PKD2L2: variants seen among roughly 807,000 people sequenced by gnomAD.
PKD2L2 encodes polycystin-2-like protein 2.
PKD2L2 carries 67 observed loss-of-function variants against 83.9 expected under a neutral mutation model. The ratio of observed to expected loss-of-function variants is 0.80; its 90% CI spans 0.66 to 0.98. PKD2L2 has a LOEUF of 0.98. Among genes scored for constraint, PKD2L2 ranks in the 50% least tolerant of loss-of-function variants. PKD2L2 has a pLI of 0.00. For missense variants in PKD2L2, 632 were observed against 717.2 expected (o/e 0.88, Z 1.36); for synonymous variants, 223 against 237.8 (o/e 0.94, Z 0.57).
intron 12 of PKD2L2, among the ~76,000 whole-genome samples, chr5:137,928,714 G>A (rs1759590639): frequency 6.6e-6 from 1 of 152,206 alleles, no homozygotes; most frequent in African/African-American, 2.4e-5. Flanking sequence ...TTACAGCTGT[G>A]AGCCACTGGG....
rs1039905023 is a variant in PKD2L2, at chr5:137,908,819, T to C, written c.1201T>C (p.Ser401Pro). The C allele has an allele frequency of 1.0e-5, 16 of 1,597,642 alleles. No individual in the cohort carries two copies. Among genetic ancestry groups the C allele is most frequent in the Middle Eastern group, 1.7e-4 (1 of 6,046 alleles). ...AATGTCTCAGCTGTCATCAACCTTG[T>C]CCCGTTGTGTTAAAGACATAGTAGG... is the stretch of plus-strand genomic sequence containing the variant. ...KTMSQLSSTL[S>P]RCVKDIVGFA... The change falls in exon 8 of 15, where the codon TCC (serine) becomes CCC (proline). Residue 401 changes from serine (S) to proline (P), a missense_variant. This residue lies in a region of PKD2L2 where 399 missense variants were observed against 416.9 expected (regional missense o/e 0.96). Coordinates refer to ENST00000508883, the MANE Select transcript of PKD2L2 (RefSeq NM_001300921.2).
intron 5 of PKD2L2, among the ~76,000 whole-genome samples, chr5:137,905,478 G>A (rs1438803844): frequency 1.3e-5 from 2 of 152,080 alleles, no homozygotes; most frequent in South Asian, 2.1e-4. Context: ...CACCTTATAA[G>A]AGTACCAACA....
chr5:137,905,124 C>A (rs181078628), intron 5 of PKD2L2, among the ~76,000 whole-genome samples: 1 of 152,154 alleles, frequency 6.6e-6, no homozygotes, highest in Non-Finnish European at 1.5e-5. Context: ...CATGAAGAAG[C>A]CCTTGTAATA....
intron 9 of PKD2L2, among the ~76,000 whole-genome samples, chr5:137,922,204 G>A (rs1172757549): frequency 6.6e-6 from 1 of 152,198 alleles, no homozygotes; most frequent in Non-Finnish European, 1.5e-5. Context: ...AAGGAATCTT[G>A]CCTTTCTAGT....
chr5:137,915,724 A>G (rs1251166541), intron 8 of PKD2L2, among the ~76,000 whole-genome samples: 1 of 152,192 alleles, frequency 6.6e-6, no homozygotes, highest in African/African-American at 2.4e-5. Flanking sequence ...ATCTTTGTTC[A>G]TTGTGTCCAA....
intron 5 of PKD2L2, among the ~76,000 whole-genome samples, chr5:137,902,839 A>G (rs1757078108): frequency 1.3e-5 from 2 of 152,156 alleles, no homozygotes; most frequent in Admixed American, 6.6e-5. Context: ...ACTTACCACA[A>G]ATGGTGTCTG....
intron 7 of PKD2L2, 86 bp downstream of exon 7, chr5:137,907,998 T>C: frequency 1.6e-6 from 1 of 633,524 alleles, no homozygotes; most frequent in Non-Finnish European, 2.4e-6. Flanking sequence ...GGAAAAAAGA[T>C]TTTTTCAACT....
intron 4 of PKD2L2, among the ~76,000 whole-genome samples, chr5:137,896,266 CT>C (rs1209990692): frequency 6.6e-6 from 1 of 152,076 alleles, no homozygotes; most frequent in Non-Finnish European, 1.5e-5. Flanking sequence ...AAGGCCTACC[CT>C]TTCCTACTCA....
At chr5:137,915,850 T>C (rs970891314) in intron 8 of PKD2L2, among the ~76,000 whole-genome samples, 1 of 152,208 alleles carries the variant, frequency 6.6e-6, no homozygotes, top group Non-Finnish European at 1.5e-5. Flanking sequence ...TGTATTTACC[T>C]TTACTAAGAA....
chr5:137,917,938 T>C (rs1375088494), intron 8 of PKD2L2, among the ~76,000 whole-genome samples: 1 of 152,090 alleles, frequency 6.6e-6, no homozygotes, highest in Non-Finnish European at 1.5e-5. Flanking sequence ...TGGCTCACAT[T>C]TTGGAGCCAT....
At chr5:137,942,286 A>AAG (rs10700651) in intron 14 of PKD2L2, 98 bp from the exon 15 acceptor site, 80,049 of 495,722 alleles carry the variant, frequency 0.16, 7,242 homozygotes, top group African/African-American at 0.2. Flanking sequence ...TCCAAAGGTA[A>AAG]AGAAGTGGAT....
intron 12 of PKD2L2, among the ~76,000 whole-genome samples, chr5:137,935,105 G>A (rs1339643871): frequency 1.3e-5 from 2 of 152,132 alleles, no homozygotes; most frequent in Non-Finnish European, 2.9e-5. Flanking sequence ...TACTGAGAAG[G>A]TTTTGAATCA....
At chr5:137,908,733 C>T (rs747154485) in intron 7 of PKD2L2, 32 bp from the exon 8 acceptor site, 2 of 1,050,962 alleles carry the variant, frequency 1.9e-6, no homozygotes, top group African/African-American at 3.2e-5. Context: ...CTTTGATATT[C>T]TCCTATTTCA....
chr5:137,939,965 T>C, intron 14 of PKD2L2: 2 of 1,506,898 alleles, frequency 1.3e-6, no homozygotes. Context: ...GTATCTGTAG[T>C]ACAAAACAAT....
At chr5:137,921,375 A>AC (rs957287785) in intron 8 of PKD2L2, among the ~76,000 whole-genome samples, 10 of 151,150 alleles carry the variant, frequency 6.6e-5, no homozygotes, top group African/African-American at 2.4e-4. Flanking sequence ...AAAAAAAAAA[A>AC]AGTTATAGAT....
At chr5:137,909,072 T>G in intron 8 of PKD2L2, 126 bp downstream of exon 8, 2 of 593,902 alleles carry the variant, frequency 3.4e-6, no homozygotes, top group South Asian at 4.8e-5. Context: ...TTTGATATTT[T>G]CTTTTTCTTT....
intron 8 of PKD2L2, among the ~76,000 whole-genome samples, chr5:137,919,843 T>C (rs771934682): frequency 6.6e-6 from 1 of 152,224 alleles, no homozygotes; most frequent in South Asian, 2.1e-4. Flanking sequence ...TTTTATGTGA[T>C]TGGCAAAAGC....
Position 137,894,410 on chromosome 5 carries a change from C to A in PKD2L2, c.325C>A (p.Gln109Lys). The A allele has an allele frequency of 6.2e-7, 1 of 1,611,796 alleles. No homozygotes were observed. Among genetic ancestry groups the A allele is most frequent in the Non-Finnish European group, 8.5e-7 (1 of 1,178,866 alleles). The change falls in exon 4 of 15, where the codon CAG (glutamine) becomes AAG (lysine). Residue 109 changes from glutamine (Q) to lysine (K), a missense_variant. Gln to Lys is a moderately conservative substitution (Grantham distance 53). Around this residue, in one of 3 missense-constraint regions of PKD2L2, gnomAD observed 229 missense variants for 281.5 expected, o/e 0.81. Coordinates refer to ENST00000508883, the MANE Select transcript of PKD2L2 (RefSeq NM_001300921.2). ...LYWDSWYNNQ[Q>K]LYNLKNSSRI... Reference sequence around the variant, plus strand: ...CTGGGATTCATGGTACAATAACCAGCAGCTGTATAATTTAAAGAACAGCAG... The same window carrying A: ...CTGGGATTCATGGTACAATAACCAGAAGCTGTATAATTTAAAGAACAGCAG...
Position 137,908,791 on chromosome 5 carries a change from GACA to G in PKD2L2, c.1175_1177del (p.Thr392del). ...TATTCAAATTCATAAGCTTTAACAA[GACA>G]ATGTCTCAGCTGTCATCAACCTTGT... On this transcript the variant is annotated inframe_deletion, in exon 8 of 15. Transcript: ENST00000508883. The G allele has an allele frequency of 6.4e-7, 1 of 1,568,156 alleles. No homozygotes were observed. Among genetic ancestry groups the G allele is most frequent in the Non-Finnish European group, 8.7e-7 (1 of 1,153,178 alleles).
Sources: gnomAD v4.1 joint callset for allele counts (sites outside exome capture counted in the v4.1 genomes callset) on GRCh38, gnomAD v4.1.1 for gene constraint, gnomAD v4.1.1 regional missense constraint, MANE v1.5 for transcripts, NCBI Gene and HGNC (gene_info 2026-07-23, HGNC 2026-07-21) for gene names.